EEPD1: variants seen among roughly 807,000 people sequenced by gnomAD.
The protein encoded by EEPD1 is endonuclease/exonuclease/phosphatase family domain containing 1, also known as endonuclease/exonuclease/phosphatase family domain-containing protein 1.
Under a neutral mutation model 46.3 loss-of-function variants are expected in EEPD1, and 17 were observed. That is an observed-to-expected ratio of 0.37 (90% CI 0.25 to 0.55). The LOEUF (loss-of-function observed/expected upper bound fraction) is 0.55. Among genes scored for constraint, EEPD1 ranks in the 20% least tolerant of loss-of-function variants. The probability of loss-of-function intolerance (pLI) is 0.83; values close to 1 mark genes in which losing one functional copy is unlikely to be tolerated. For missense variants in EEPD1, 673 were observed against 745.6 expected, an observed-to-expected ratio of 0.90 and a Z score of 1.13; for synonymous variants, 313 against 315.6, an observed-to-expected ratio of 0.99 and a Z score of 0.09.
At chr7:36,248,857 C>CTAACTCAG (rs1786684884) in intron 3 of EEPD1, among the ~76,000 whole-genome samples, 1 of 152,094 alleles carries the variant, frequency 6.6e-6, no homozygotes, top group Admixed American at 6.6e-5. Flanking sequence ...TGTATGGAGT[C>CTAACTCAG]TAACTCAGGC....
intron 3 of EEPD1, among the ~76,000 whole-genome samples, chr7:36,260,906 G>A (rs1786910416): frequency 6.6e-6 from 1 of 152,176 alleles, no homozygotes; most frequent in Non-Finnish European, 1.5e-5. Flanking sequence ...AAGCAATACA[G>A]TATAACATCT....
intron 2 of EEPD1, among the ~76,000 whole-genome samples, chr7:36,202,687 C>G (rs1486300527): frequency 6.6e-6 from 1 of 152,160 alleles, no homozygotes; most frequent in Non-Finnish European, 1.5e-5. Context: ...CCGTGAGAAC[C>G]AAGCCATGTG....
At chr7:36,227,773 C>T (rs1354861220) in intron 2 of EEPD1, among the ~76,000 whole-genome samples, 2 of 152,080 alleles carry the variant, frequency 1.3e-5, no homozygotes, top group Non-Finnish European at 2.9e-5. Flanking sequence ...CTGCAAGCTT[C>T]GCCTCCCAGG....
In EEPD1 at chr7:36,165,411, C is replaced by CTTTTTTTTTTTTTTT. The variant is rs56236165; in HGVS notation, c.878+10223_878+10237dup. The stretch of plus-strand genomic sequence containing the variant: ...ATGAAATCGCCTAATGATCCATTTC[C>CTTTTTTTTTTTTTTT]TTTTTTTTTTTTTTTTTTTTTTTTT... On this transcript the variant is annotated intron_variant, in intron 2 of 7. Transcript: ENST00000242108. 4.8e-5 allele frequency among the ~76,000 whole-genome samples: 3 copies of CTTTTTTTTTTTTTTT among 62,062 alleles called. 1 individual carries two copies. The highest frequency in any genetic ancestry group is 2.1e-4 in the African/African-American group (3 of 14,076). 40.7% of individuals were successfully genotyped at this position (62,062 alleles called of 152,430 possible).
chr7:36,237,665 T>C (rs898202357), intron 2 of EEPD1, among the ~76,000 whole-genome samples: 4 of 152,134 alleles, frequency 2.6e-5, no homozygotes, highest in African/African-American at 9.7e-5. Context: ...AATGGCTGCC[T>C]GAGGTCAAGC....
chr7:36,272,301 T>C lies in EEPD1; in HGVS notation c.931-8814T>C, dbSNP rs79499382. ...GGAGAAGTAAAGAACCTTTGGAACA[T>C]TCCTAAAGGGCAGAGATGAGTGATG... On this transcript the variant is annotated intron_variant, in intron 3 of 7. Transcript: ENST00000242108. 6.8e-4 allele frequency among the ~76,000 whole-genome samples: 103 copies of C among 152,250 alleles called. 1 individual carries two copies. In the East Asian group the frequency reaches 0.011, roughly 17 times the overall value.
chr7:36,281,704 A>G (rs1787263556), intron 4 of EEPD1, among the ~76,000 whole-genome samples: 1 of 152,228 alleles, frequency 6.6e-6, no homozygotes, highest in South Asian at 2.1e-4. Flanking sequence ...TTTCATCAGT[A>G]TCACCCATAT....
At chr7:36,160,426 G>A (rs978813239) in intron 2 of EEPD1, among the ~76,000 whole-genome samples, 1 of 152,210 alleles carries the variant, frequency 6.6e-6, no homozygotes, top group African/African-American at 2.4e-5. Flanking sequence ...GAAGAAGCCA[G>A]GCACGGAAGA....
intron 2 of EEPD1, among the ~76,000 whole-genome samples, chr7:36,174,209 C>T (rs973981826): frequency 1.3e-5 from 2 of 152,204 alleles, no homozygotes; most frequent in South Asian, 2.1e-4. Flanking sequence ...CGATTACCCA[C>T]GCTTACCTCC....
intron 2 of EEPD1, among the ~76,000 whole-genome samples, chr7:36,169,485 T>C (rs754904727): frequency 9.9e-5 from 15 of 152,248 alleles, no homozygotes; most frequent in Non-Finnish European, 1.8e-4. Flanking sequence ...TAATAACTAA[T>C]GACGTTTAGC....
chr7:36,273,665 C>T (rs902908495), intron 3 of EEPD1, among the ~76,000 whole-genome samples: 2 of 152,116 alleles, frequency 1.3e-5, no homozygotes, highest in African/African-American at 4.8e-5. Context: ...CTTTTCCTCC[C>T]AGAGTTCTAG....
chr7:36,177,908 T>G (rs1276994793), intron 2 of EEPD1, among the ~76,000 whole-genome samples: 1 of 152,130 alleles, frequency 6.6e-6, no homozygotes, highest in African/African-American at 2.4e-5. Flanking sequence ...GAGACGGAGT[T>G]TCACCATGTT....
At chr7:36,261,633 T>C (rs573360933) in intron 3 of EEPD1, among the ~76,000 whole-genome samples, 4 of 152,372 alleles carry the variant, frequency 2.6e-5, no homozygotes, top group Admixed American at 1.3e-4. Context: ...TCATTAATGA[T>C]TCATTCATTC....
At position 36,154,949 on chromosome 7, in the gene EEPD1, G is replaced by C. The variant is rs757737845; in HGVS notation, c.625G>C (p.Gly209Arg). 4 of 1,613,818 alleles carry C rather than the reference G, an allele frequency of 2.5e-6. No individual in the cohort carries two copies. Among genetic ancestry groups the C allele is most frequent in the East Asian group, 2.2e-5 (1 of 44,898 alleles). Residue 209 changes from glycine to arginine, a missense_variant, in exon 2 of 8, where the codon GGG becomes CGG. Coordinates refer to ENST00000242108, the MANE Select transcript of EEPD1 (RefSeq NM_030636.3). The surrounding 1 kb of genome is among the most constrained non-coding windows in gnomAD (Gnocchi z 4.2). Reference sequence around the variant, plus strand: ...CAGGCCCCCATCCACCCACACGAACGGGGGACTGACCTTCACCGCCAAGCC... The same window carrying C: ...CAGGCCCCCATCCACCCACACGAACCGGGGACTGACCTTCACCGCCAAGCC... ...RSRPPSTHTN[G>R]GLTFTAKPHP...
intron 2 of EEPD1, among the ~76,000 whole-genome samples, chr7:36,172,759 A>C (rs1785109101): frequency 6.6e-6 from 1 of 151,894 alleles, no homozygotes; most frequent in African/African-American, 2.4e-5. Context: ...TAAGCCAATA[A>C]ACCTTAAGTC....
intron 2 of EEPD1, among the ~76,000 whole-genome samples, chr7:36,212,969 A>T (rs1433373817): frequency 6.6e-6 from 1 of 152,164 alleles, no homozygotes; most frequent in Non-Finnish European, 1.5e-5. Context: ...CCTGGCCAAC[A>T]TGATGAAACC....
At chr7:36,179,802 A>G (rs1785242689) in intron 2 of EEPD1, among the ~76,000 whole-genome samples, 2 of 151,860 alleles carry the variant, frequency 1.3e-5, no homozygotes, top group Non-Finnish European at 2.9e-5. Flanking sequence ...TGCAGACTGT[A>G]GAAATCAGCA....
At chr7:36,249,015 A>ACACACACACACACACACAC (rs1554318811) in intron 3 of EEPD1, among the ~76,000 whole-genome samples, 62 of 151,662 alleles carry the variant, frequency 4.1e-4, no homozygotes, top group African/African-American at 1.5e-3. Context: ...ACACACACAC[A>ACACACACACACACACACAC]CACACACACA....
chr7:36,243,349 G>A (rs898774163), intron 3 of EEPD1, among the ~76,000 whole-genome samples: 3 of 150,732 alleles, frequency 2.0e-5, no homozygotes, highest in Non-Finnish European at 2.9e-5. Flanking sequence ...AGTAAACACC[G>A]TCATTCTATT....
Sources: allele counts gnomAD v4.1 joint callset (sites outside exome capture counted in the v4.1 genomes callset), GRCh38; gene constraint gnomAD v4.1.1; non-coding constraint Gnocchi (gnomAD v3.1); transcripts MANE v1.5; gene names NCBI Gene and HGNC (gene_info 2026-07-23, HGNC 2026-07-21).